The following SH2B3 variants were observed in gnomAD, a reference collection of about 807,000 sequenced individuals.
SH2B3 encodes SH2B adapter protein 3.
SH2B3 carries 43 observed loss-of-function variants against 51.9 expected under a neutral mutation model. That is an observed-to-expected ratio of 0.83 (90% confidence interval 0.65 to 1.07). The LOEUF is 1.07. SH2B3 is among the 50% of genes least tolerant of loss of function. The probability of loss-of-function intolerance (pLI) is 0.00; values close to 1 mark genes in which losing one functional copy is unlikely to be tolerated. For missense variants in SH2B3, 952 were observed against 834.3 expected (o/e 1.14, Z -1.74); for synonymous variants, 396 against 376.0 (o/e 1.05, Z -0.62).
intron 2 of SH2B3, among the ~76,000 whole-genome samples, chr12:111,440,686 T>C (rs1031076420): frequency 1.2e-4 from 18 of 152,170 alleles, no homozygotes; most frequent in Admixed American, 7.2e-4. Flanking sequence ...TTCTCCACCA[T>C]CCCCACTTCG....
chr12:111,418,388 C>T lies in SH2B3; in HGVS notation c.243C>T (p.Asp81=), dbSNP rs1172039667. 5.9e-5 allele frequency: 89 copies of T among 1,503,366 alleles called. No individual in the cohort carries two copies. Among genetic ancestry groups the T allele is most frequent in the Non-Finnish European group, 6.7e-5 (76 of 1,132,376 alleles). 93.1% of individuals were successfully genotyped at this position (1,503,366 alleles called of 1,614,324 possible). A position where few individuals can be genotyped will look rare whatever the true frequency, so the allele number is the denominator to read the frequency against. The part of the protein sequence containing the change: ...FQRYFCREVR[D]GRAPGRDYRD... ...GCTACTTCTGCCGCGAGGTGCGCGACGGACGGGCGCCGGGCCGCGACTACC... is the reference window on the plus strand; with the variant it reads ...GCTACTTCTGCCGCGAGGTGCGCGATGGACGGGCGCCGGGCCGCGACTACC... Residue 81 remains aspartate (D), a synonymous_variant, in exon 2 of 8, where the codon GAC becomes GAT. Coordinates refer to ENST00000341259, the MANE Select transcript of SH2B3 (RefSeq NM_005475.3). The surrounding 1 kb of genome is among the most constrained non-coding windows in gnomAD (Gnocchi z 6.7).
rs1363780464 is a variant in SH2B3, at chr12:111,448,300, T to C, written c.1726T>C (p.Ter576ArgextTer22). The C allele has an allele frequency of 6.3e-7, 1 of 1,594,748 alleles. No homozygotes were observed. Among genetic ancestry groups the C allele is most frequent in the South Asian group, 1.1e-5 (1 of 90,010 alleles). Reference protein sequence around the residue: ...RAIDNQYTPL* With the variant: ...RAIDNQYTPLR ...CATAGACAATCAGTACACACCTCTC[T>C]GACCAGTGAGGAATTCCAGGCCTCA... The change falls in exon 8 of 8, where the codon TGA becomes CGA. Residue 576 changes from the stop codon to arginine, a stop_lost. Transcript: ENST00000341259.
chr12:111,418,380 G>A lies in SH2B3; in HGVS notation c.235G>A (p.Val79Met), dbSNP rs754175706. 6.6e-7 allele frequency: 1 copy of A among 1,510,172 alleles called. No homozygotes were observed. The highest frequency in any genetic ancestry group is 8.8e-7 in the Non-Finnish European group (1 of 1,135,466). The allele number at this position is 1,510,172 out of a possible 1,614,324, so 93.5% of individuals were successfully genotyped here. A position where few individuals can be genotyped will look rare whatever the true frequency, so the allele number is the denominator to read the frequency against. ...CTTCCAGCGCTACTTCTGCCGCGAG[G>A]TGCGCGACGGACGGGCGCCGGGCCG... ...DLFQRYFCRE[V>M]RDGRAPGRDY... The change falls in exon 2 of 8, where the codon GTG becomes ATG. Residue 79 changes from valine to methionine, a missense_variant. Coordinates refer to ENST00000341259, the MANE Select transcript of SH2B3 (RefSeq NM_005475.3). The surrounding 1 kb of genome is among the most constrained non-coding windows in gnomAD (Gnocchi z 6.7).
rs1873102331 is a variant in SH2B3, at chr12:111,438,560, G to A, written c.733-8193G>A. Among the ~76,000 whole-genome samples the A allele has an allele frequency of 6.6e-6, 1 of 152,198 alleles. No homozygotes were observed. On this transcript the variant is annotated intron_variant, in intron 2 of 7. Coordinates refer to ENST00000341259, the MANE Select transcript of SH2B3 (RefSeq NM_005475.3). This position sits in a 1 kb window ranked among gnomAD's most constrained non-coding sequence, Gnocchi z 4.2. The stretch of plus-strand genomic sequence containing the variant: ...ACCCAGCACAAAGGATGCTTAGCCA[G>A]CAAAAGGCTTATGATGAATGTTGAG...
chr12:111,419,852 C>T (rs1055402137), intron 2 of SH2B3, among the ~76,000 whole-genome samples: 8 of 152,188 alleles, frequency 5.3e-5, no homozygotes, highest in Non-Finnish European at 1.2e-4. Flanking sequence ...TGTTCCAGCT[C>T]GCCCCCCAGG....
At chr12:111,437,200 T>C (rs933493084) in intron 2 of SH2B3, among the ~76,000 whole-genome samples, 1 of 152,084 alleles carries the variant, frequency 6.6e-6, no homozygotes, top group Non-Finnish European at 1.5e-5. Flanking sequence ...GGGTGACGGA[T>C]GGATGAGCAC....
rs1188691611 is a variant in SH2B3, at chr12:111,435,358, T to C, written c.733-11395T>C. ...CAGATGCGGGGCCTGGCTACAGTCC[T>C]CACTGGTGTTTTTTTTGTTTTTGAG... is the stretch of plus-strand genomic sequence containing the variant. On this transcript the variant is annotated intron_variant, in intron 2 of 7. Coordinates refer to ENST00000341259, the MANE Select transcript of SH2B3 (RefSeq NM_005475.3). The surrounding 1 kb of genome is among the most constrained non-coding windows in gnomAD (Gnocchi z 4.8). 1.3e-5 allele frequency among the ~76,000 whole-genome samples: 2 copies of C among 152,160 alleles called. No homozygotes were observed. Among genetic ancestry groups the C allele is most frequent in the African/African-American group, 4.8e-5 (2 of 41,442 alleles).
intron 2 of SH2B3, among the ~76,000 whole-genome samples, chr12:111,426,137 C>T (rs910542876): frequency 2.6e-5 from 4 of 152,186 alleles, no homozygotes; most frequent in African/African-American, 9.6e-5. Flanking sequence ...GGCCTGCTTG[C>T]TCCCATTCCT....
intron 5 of SH2B3, 40 bp from the exon 6 acceptor site, chr12:111,447,290 G>T (rs1187240199): frequency 6.9e-6 from 11 of 1,592,218 alleles, no homozygotes; most frequent in Non-Finnish European, 9.5e-6. Flanking sequence ...AGGACATAAG[G>T]TAGCCCCCTG....
intron 2 of SH2B3, among the ~76,000 whole-genome samples, chr12:111,440,153 A>C (rs1335719895): frequency 6.6e-6 from 1 of 152,180 alleles, no homozygotes; most frequent in Non-Finnish European, 1.5e-5. Flanking sequence ...TCCCTTCCAG[A>C]TGTCCTGTGC....
rs189535028 is a variant in SH2B3 at position 111,429,917 on chromosome 12, G to T, written c.732+11040G>T. ...AGAGAGAAAGCACCCACCCTCCACC[G>T]TCAGAACGAGCCTGTATCCCGGCAA... On this transcript the variant is annotated intron_variant, in intron 2 of 7. Coordinates refer to ENST00000341259, the MANE Select transcript of SH2B3 (RefSeq NM_005475.3). The surrounding 1 kb of genome is among the most constrained non-coding windows in gnomAD (Gnocchi z 4.4). 6.6e-6 allele frequency among the ~76,000 whole-genome samples: 1 copy of T among 152,144 alleles called. No homozygotes were observed. The highest frequency in any genetic ancestry group is 1.5e-5 in the Non-Finnish European group (1 of 68,012).
Position 111,447,024 on chromosome 12 carries a change from C to T in SH2B3, c.917C>T (p.Thr306Ile), listed in dbSNP as rs140042617. 1.9e-6 allele frequency: 3 copies of T among 1,613,672 alleles called. No individual in the cohort carries two copies. The highest frequency in any genetic ancestry group is 1.1e-5 in the South Asian group (1 of 91,080). ...TGGATGGCTGAGCTCTCGGAGTGCACAGGCCGAGGGTGAGGTCCTGGGCCC... is the reference window on the plus strand; with the variant it reads ...TGGATGGCTGAGCTCTCGGAGTGCATAGGCCGAGGGTGAGGTCCTGGGCCC... ...NSWMAELSEC[T>I]GRGLESTEAE... The change falls in exon 4 of 8, where the codon ACA becomes ATA. Residue 306 changes from threonine to isoleucine, a missense_variant. Coordinates refer to ENST00000341259, the MANE Select transcript of SH2B3 (RefSeq NM_005475.3).
rs781616492 is a variant in SH2B3 at position 111,418,129 on chromosome 12, C to G, written c.-17C>G. On this transcript the variant is annotated 5_prime_UTR_variant, in exon 2 of 8. Transcript: ENST00000341259. The surrounding 1 kb of genome is among the most constrained non-coding windows in gnomAD (Gnocchi z 6.7). ...CCACGTGTCTTTCAGCCCGGCCGCA[C>G]CACCTGGGTCTCCGCCATGAACGGG... 6.7e-6 allele frequency: 10 copies of G among 1,483,050 alleles called. No homozygotes were observed. In the East Asian group the frequency reaches 2.0e-4, roughly 30 times the overall value. 91.9% of individuals were successfully genotyped at this position (1,483,050 alleles called of 1,614,324 possible). A position where few individuals can be genotyped will look rare whatever the true frequency, so the allele number is the denominator to read the frequency against.
intron 1 of SH2B3, among the ~76,000 whole-genome samples, chr12:111,413,638 CG>C (rs891625660): frequency 1.3e-5 from 2 of 152,048 alleles, no homozygotes; most frequent in Non-Finnish European, 2.9e-5. Flanking sequence ...GCCCAGGGGG[CG>C]GGGGAGGTTG....
chr12:111,431,379 A>G (rs181824962), intron 2 of SH2B3, among the ~76,000 whole-genome samples: 1 of 152,232 alleles, frequency 6.6e-6, no homozygotes, highest in East Asian at 1.9e-4. Flanking sequence ...TGGGTACCCC[A>G]TGTAATCTAG....
Position 111,405,995 on chromosome 12 carries a change from C to T in SH2B3, c.-310C>T, listed in dbSNP as rs1184413079. 1 of 151,754 alleles carries T rather than the reference C, an allele frequency of 6.6e-6. No individual in the cohort carries two copies. The highest frequency in any genetic ancestry group is 1.9e-4 in the East Asian group (1 of 5,174). The allele number at this position is 151,754 out of a possible 1,614,324, so 9.4% of individuals were successfully genotyped here. A position where few individuals can be genotyped will look rare whatever the true frequency, so the allele number is the denominator to read the frequency against. On this transcript the variant is annotated 5_prime_UTR_variant, in exon 1 of 8. Transcript: ENST00000341259. This position sits in a 1 kb window ranked among gnomAD's most constrained non-coding sequence, Gnocchi z 5.4. ...GCTGCCCGCCCGGACTGTCGCGGCC[C>T]GCGGTGGCGACGGCGGCCGCTGCAA... is the stretch of plus-strand genomic sequence containing the variant.
intron 2 of SH2B3, among the ~76,000 whole-genome samples, chr12:111,437,510 C>G (rs1393097036): frequency 1.3e-5 from 2 of 152,174 alleles, no homozygotes; most frequent in African/African-American, 2.4e-5. Context: ...GGGCAGCAGG[C>G]AGGCTCACTT....
chr12:111,430,036 C>T (rs1261636726), intron 2 of SH2B3, among the ~76,000 whole-genome samples: 1 of 152,194 alleles, frequency 6.6e-6, no homozygotes, highest in African/African-American at 2.4e-5. Flanking sequence ...CCTGGGCCCA[C>T]GTCTCCTGGG....
At chr12:111,414,012 C>G (rs1870899088) in intron 1 of SH2B3, among the ~76,000 whole-genome samples, 1 of 152,138 alleles carries the variant, frequency 6.6e-6, no homozygotes, top group Non-Finnish European at 1.5e-5. Flanking sequence ...GGGGCAGGAG[C>G]CTGGGTCTGG....
Sources: gnomAD v4.1 joint callset for allele counts (sites outside exome capture counted in the v4.1 genomes callset) on GRCh38, gnomAD v4.1.1 for gene constraint, Gnocchi (gnomAD v3.1) non-coding constraint, MANE v1.5 for transcripts, NCBI Gene and HGNC (gene_info 2026-07-23, HGNC 2026-07-21) for gene names.